CHTF18: variants seen among roughly 807,000 people sequenced by gnomAD.
CHTF18 encodes the protein chromosome transmission fidelity protein 18 homolog.
A neutral mutation model predicts 113.4 loss-of-function variants in CHTF18; 151 were observed. The observed-to-expected ratio is 1.33, with a 90% CI of 1.17 to 1.52. The LOEUF is 1.52. Among genes scored for constraint, CHTF18 ranks in the 40% most tolerant of loss-of-function variants. The pLI is 0.00. For synonymous variants in CHTF18, 916 were observed against 598.8 expected, an observed-to-expected ratio of 1.53 and a Z score of -7.74; for missense variants, 1,982 against 1,381.6, an observed-to-expected ratio of 1.43 and a Z score of -6.89.
intron 11 of CHTF18, 63 bp from the exon 12 acceptor site, chr16:792,655 C>A: frequency 6.3e-7 from 1 of 1,589,538 alleles, no homozygotes; most frequent in Non-Finnish European, 8.5e-7. Flanking sequence ...GGTTCCGGCC[C>A]GTCCCTGTGT....
intron 15 of CHTF18, 65 bp from the exon 16 acceptor site, chr16:795,067 A>G: frequency 3.9e-6 from 5 of 1,298,552 alleles, no homozygotes; most frequent in Non-Finnish European, 5.3e-6. Flanking sequence ...CGGGAGGTGG[A>G]GGGTCCGTGG....
intron 21 of CHTF18, 42 bp from the exon 22 acceptor site, chr16:797,796 TG>T (rs761138908): frequency 5.2e-5 from 24 of 464,554 alleles, no homozygotes; most frequent in Admixed American, 1.3e-4. Context: ...CTGGGGGTTG[TG>T]GGGGGGCCTT....
chr16:789,464 T>C, intron 3 of CHTF18, 83 bp from the exon 4 acceptor site: 1 of 1,537,460 alleles, frequency 6.5e-7, no homozygotes, highest in Non-Finnish European at 8.8e-7. Context: ...GAGGGTTCCA[T>C]GGCTGAGAGC....
chr16:791,130 G>C, intron 7 of CHTF18, 31 bp from the exon 8 acceptor site: 1 of 1,589,332 alleles, frequency 6.3e-7, no homozygotes, highest in Non-Finnish European at 8.6e-7. Context: ...GGTGCCCTCA[G>C]GCTGTGCTTC....
At chr16:789,400 A>T in intron 3 of CHTF18, 40 bp downstream of exon 3, 1 of 1,545,204 alleles carries the variant, frequency 6.5e-7, no homozygotes, top group South Asian at 1.3e-5. Flanking sequence ...CCATCTGTCC[A>T]GTGGGACTCA....
chr16:790,998 C>T (rs1359670512), intron 7 of CHTF18, 163 bp from the exon 8 acceptor site: 2 of 1,458,004 alleles, frequency 1.4e-6, no homozygotes, highest in South Asian at 1.4e-5. Flanking sequence ...GGGTGGAGCC[C>T]CTGGTGTGAG....
chr16:790,094 G>A (rs763367676), intron 4 of CHTF18, 83 bp from the exon 5 acceptor site: 18 of 1,539,674 alleles, frequency 1.2e-5, no homozygotes, highest in Non-Finnish European at 1.6e-5. Context: ...TGTCCCACCC[G>A]GGTCCCTGAG....
Position 793,137 on chromosome 16 carries a change from T to C in CHTF18, c.1672-7T>C, listed in dbSNP as rs765049584. On this transcript the variant is annotated splice_region_variant and splice_polypyrimidine_tract_variant and intron_variant, in intron 13 of 21. Transcript: ENST00000262315. ...GGCCGCTTCTCATGCCCCCGCCCTA[T>C]GTCTAGTTCCTGTACAGCCGGGGCC... is the stretch of plus-strand genomic sequence containing the variant. 11 of 1,596,386 alleles carry C rather than the reference T, an allele frequency of 6.9e-6. No homozygotes were observed. The Admixed American group carries it at 6.9e-5, about 10-fold the overall frequency.
Position 797,690 on chromosome 16 carries a change from T to C in CHTF18, c.2734-4T>C. 6.2e-7 allele frequency: 1 copy of C among 1,609,238 alleles called. No individual in the cohort carries two copies. Among genetic ancestry groups the C allele is most frequent in the Non-Finnish European group, 8.5e-7 (1 of 1,178,676 alleles). ...TACGACTGACTAGTCCTTCCTCCCA[T>C]CAGCCTGAGAAGGACTTCTTTGGAC... On this transcript the variant is annotated splice_polypyrimidine_tract_variant and splice_region_variant and intron_variant, in intron 20 of 21. Coordinates refer to ENST00000262315, the MANE Select transcript of CHTF18 (RefSeq NM_022092.3).
intron 8 of CHTF18, chr16:791,598 G>A (rs771322986): frequency 1.0e-4 from 145 of 1,431,174 alleles, no homozygotes; most frequent in East Asian, 1.5e-4. Context: ...CTGGGTGGAC[G>A]GTGGGTGGTT....
rs1192848293 is a variant in CHTF18, at chr16:789,125, G to C, written c.286G>C (p.Ala96Pro). The change falls in exon 2 of 22, where the codon GCC becomes CCC. Residue 96 changes from alanine (A) to proline (P), a missense_variant and splice_region_variant. Ala to Pro is a conservative substitution (Grantham distance 27). Coordinates refer to ENST00000262315, the MANE Select transcript of CHTF18 (RefSeq NM_022092.3). ...DLQPAGSLPH[A>P]PRIKRPRLQV... ...GCAGCCGGCCGGGTCCCTGCCCCAC[G>C]GTAGGTTGGCGGCATTGCCCCAGGG... The C allele has an allele frequency of 1.9e-6, 3 of 1,543,162 alleles. No individual in the cohort carries two copies. Among genetic ancestry groups the C allele is most frequent in the South Asian group, 1.2e-5 (1 of 83,598 alleles).
chr16:791,659 T>A, intron 8 of CHTF18, 192 bp from the exon 9 acceptor site: 1 of 1,427,492 alleles, frequency 7.0e-7, no homozygotes, highest in Non-Finnish European at 9.1e-7. Context: ...GCACGAACTT[T>A]GCTTTGTGTA....
At chr16:790,703 C>G (rs765262045) in intron 7 of CHTF18, 37 bp downstream of exon 7, 18 of 1,496,980 alleles carry the variant, frequency 1.2e-5, no homozygotes, top group Non-Finnish European at 1.6e-5. Context: ...GGCTGGCTTC[C>G]TCTGTTCCCA....
In CHTF18 at chr16:794,109, G is replaced by A. The variant is rs777573884; in HGVS notation, c.1858G>A (p.Gly620Arg). Residue 620 changes from glycine to arginine, a missense_variant, in exon 15 of 22, where the codon GGG becomes AGG. By Grantham distance (125) the Gly-to-Arg change is moderately radical. Coordinates refer to ENST00000262315, the MANE Select transcript of CHTF18 (RefSeq NM_022092.3). ...TGCTGACACACTCCTGCTGGGTGAC[G>A]GGGACGCGGGCTCCCTCACCTCCGC... ...LPADTLLLGD[G>R]DAGSLTSASQ... is the part of the protein sequence containing the mutation. 3.7e-6 allele frequency: 6 copies of A among 1,612,252 alleles called. 1 individual carries two copies. The highest frequency in any genetic ancestry group is 2.2e-5 in the South Asian group (2 of 91,066).
intron 15 of CHTF18, chr16:794,772 G>A: frequency 3.3e-6 from 1 of 299,226 alleles, no homozygotes; most frequent in East Asian, 7.7e-5. Flanking sequence ...GACTCTGGTG[G>A]GCGGAACTTC....
chr16:791,831 T>A lies in CHTF18; in HGVS notation c.1105-20T>A. 1 of 1,587,066 alleles carries A rather than the reference T, an allele frequency of 6.3e-7. No homozygotes were observed. Among genetic ancestry groups the A allele is most frequent in the Non-Finnish European group, 8.6e-7 (1 of 1,167,894 alleles). ...CTGTAGGTGCGGTGCACACTACGCC[T>A]TCATCTACCTGGGCTGCAGGTGGCA... On this transcript the variant is annotated intron_variant, in intron 8 of 21. Coordinates refer to ENST00000262315, the MANE Select transcript of CHTF18 (RefSeq NM_022092.3).
At chr16:791,489 G>A (rs1237700393) in intron 8 of CHTF18, 119 bp downstream of exon 8, 3 of 1,448,018 alleles carry the variant, frequency 2.1e-6, no homozygotes, top group Non-Finnish European at 2.7e-6. Flanking sequence ...GTGGGTCTTG[G>A]CGTGAAGCGC....
In CHTF18 at chr16:794,121, T is replaced by C; in HGVS notation, c.1870T>C (p.Ser624Pro). The change falls in exon 15 of 22, where the codon TCC (serine) becomes CCC (proline). Residue 624 changes from serine to proline, a missense_variant. Physicochemically the swap from Ser to Pro is moderately conservative, Grantham distance 74 (BLOSUM62 -1). Coordinates refer to ENST00000262315, the MANE Select transcript of CHTF18 (RefSeq NM_022092.3). Reference protein sequence around the residue: ...TLLLGDGDAGSLTSASQRFYR... With the variant: ...TLLLGDGDAGPLTSASQRFYR... ...CCTGCTGGGTGACGGGGACGCGGGCTCCCTCACCTCCGCCTCACAGCGATT... is the reference window on the plus strand; with the variant it reads ...CCTGCTGGGTGACGGGGACGCGGGCCCCCTCACCTCCGCCTCACAGCGATT... 6.2e-7 allele frequency: 1 copy of C among 1,612,270 alleles called. No individual in the cohort carries two copies. The highest frequency in any genetic ancestry group is 1.7e-5 in the Admixed American group (1 of 59,998).
intron 15 of CHTF18, chr16:794,879 C>G (rs1316325928): frequency 1.4e-5 from 7 of 513,458 alleles, no homozygotes; most frequent in South Asian, 2.6e-5. Context: ...TCTGTCAAGT[C>G]AGTCTCTGTC....
Sources: gnomAD v4.1 joint callset for allele counts on GRCh38, gnomAD v4.1.1 for gene constraint, MANE v1.5 for transcripts, NCBI Gene and HGNC (gene_info 2026-07-23, HGNC 2026-07-21) for gene names.